The following MTMR3 variants were observed in gnomAD, a reference collection of about 807,000 sequenced individuals.
MTMR3 encodes myotubularin related protein 3, also known as phosphatidylinositol-3,5-bisphosphate 3-phosphatase MTMR3.
In MTMR3, 32 loss-of-function variants were observed where a neutral mutation model predicts 132.4. The observed-to-expected ratio is 0.24, with a 90% confidence interval of 0.18 to 0.32. MTMR3 has a LOEUF of 0.32. MTMR3 is among the 10% of genes least tolerant of loss of function. The probability of loss-of-function intolerance (pLI) is 1.00; values close to 1 mark genes in which losing one functional copy is unlikely to be tolerated. For missense variants in MTMR3, 1,216 were observed against 1,489.6 expected, an observed-to-expected ratio of 0.82 and a Z score of 3.02; for synonymous variants, 556 against 550.3, an observed-to-expected ratio of 1.01 and a Z score of -0.14.
At chr22:29,946,149 C>G (rs893528926) in intron 1 of MTMR3, among the ~76,000 whole-genome samples, 4 of 151,958 alleles carry the variant, frequency 2.6e-5, no homozygotes, top group African/African-American at 9.7e-5. Flanking sequence ...TTAGGCATTT[C>G]AAAGAAAGCA....
chr22:30,003,244 A>G (rs1359623264), intron 9 of MTMR3: 6 of 359,964 alleles, frequency 1.7e-5, no homozygotes, highest in Middle Eastern at 7.5e-4. Context: ...TGGACTTGCT[A>G]TTTCAATATC....
At chr22:29,899,179 C>A (rs1207811657) in intron 1 of MTMR3, among the ~76,000 whole-genome samples, 1 of 152,090 alleles carries the variant, frequency 6.6e-6, no homozygotes, top group African/African-American at 2.4e-5. Context: ...ATGGAGATGA[C>A]ACTTAGGCTA....
intron 1 of MTMR3, among the ~76,000 whole-genome samples, chr22:29,949,512 A>C (rs1179594178): frequency 1.4e-5 from 2 of 141,106 alleles, no homozygotes; most frequent in African/African-American, 2.7e-5. Context: ...CCCCCCCCAA[A>C]AAAAAAAAAC....
At chr22:30,019,286 A>C in intron 16 of MTMR3, 194 bp from the exon 17 acceptor site, 1 of 588,890 alleles carries the variant, frequency 1.7e-6, no homozygotes, top group Non-Finnish European at 3.0e-6. Context: ...TTGAAAGGAA[A>C]TCTGCACACT....
At chr22:29,906,734 C>T (rs953521113) in intron 1 of MTMR3, among the ~76,000 whole-genome samples, 1 of 152,130 alleles carries the variant, frequency 6.6e-6, no homozygotes, top group African/African-American at 2.4e-5. Flanking sequence ...ACTTGAGTTG[C>T]CCTATATCTA....
chr22:30,023,843 G>A (rs1249472497), intron 19 of MTMR3: 1 of 263,090 alleles, frequency 3.8e-6, no homozygotes, highest in Non-Finnish European at 7.3e-6. Flanking sequence ...GTAATTTCCA[G>A]GTCAAACAGC....
intron 12 of MTMR3, chr22:30,010,506 C>G (rs558856137): frequency 2.6e-5 from 4 of 152,262 alleles, no homozygotes; most frequent in East Asian, 3.9e-4. Flanking sequence ...TAATTAGGCC[C>G]CCGGCCTGTG....
chr22:30,025,765 T>G lies in MTMR3; in HGVS notation c.3561T>G (p.Leu1187=), dbSNP rs773793911. Residue 1187 remains leucine (L), a synonymous_variant, in exon 20 of 20, where the codon CTT becomes CTG. Transcript: ENST00000401950. ...SLHPTSSSID[L]ELDKPIAATS... ...ATCCCACAAGCTCCAGCATTGACCT[T>G]GAACTGGATAAGCCCATTGCTGCCA... 1.2e-6 allele frequency: 2 copies of G among 1,614,190 alleles called. No homozygotes were observed. Among genetic ancestry groups the G allele is most frequent in the South Asian group, 2.2e-5 (2 of 91,088 alleles).
intron 1 of MTMR3, among the ~76,000 whole-genome samples, chr22:29,905,819 A>G (rs2065082857): frequency 6.6e-6 from 1 of 152,168 alleles, no homozygotes; most frequent in Non-Finnish European, 1.5e-5. Flanking sequence ...GTTTTGGTGC[A>G]TATTTTAAAT....
At position 30,020,205 on chromosome 22, in the gene MTMR3, T is replaced by C. The variant is rs2067710284; in HGVS notation, c.2546T>C (p.Leu849Ser). The C allele has an allele frequency of 1.7e-5, 27 of 1,614,202 alleles. No individual in the cohort carries two copies. Among genetic ancestry groups the C allele is most frequent in the Non-Finnish European group, 2.3e-5 (27 of 1,180,052 alleles). Residue 849 changes from leucine to serine, a missense_variant, in exon 17 of 20, where the codon TTA becomes TCA. Leu to Ser is a moderately radical substitution (Grantham distance 145). This residue lies in a region of MTMR3 where 852 missense variants were observed against 852.0 expected (regional missense o/e 1.00). Coordinates refer to ENST00000401950, the MANE Select transcript of MTMR3 (RefSeq NM_021090.4). ...GPNVDSSTDM[L>S]VEDKVKSVSG... is the part of the protein sequence containing the mutation. ...AACGTGGACAGTTCTACAGACATGT[T>C]AGTGGAAGATAAGGTGAAGTCAGTA...
At chr22:29,928,728 T>C (rs2145785232) in intron 1 of MTMR3, among the ~76,000 whole-genome samples, 1 of 152,222 alleles carries the variant, frequency 6.6e-6, no homozygotes, top group Admixed American at 6.5e-5. Flanking sequence ...TTGCCTAGGC[T>C]GATCCTGAAC....
intron 19 of MTMR3, chr22:30,023,407 A>T: frequency 6.2e-7 from 1 of 1,603,466 alleles, no homozygotes; most frequent in Non-Finnish European, 8.5e-7. Context: ...CCCCAAGCCC[A>T]GATATCTTTG....
rs756880491 is a variant in MTMR3 at position 30,022,078 on chromosome 22, G to C, written c.3275G>C (p.Arg1092Pro). ...AATCTGGATCAGAACTGTTTGTCTC[G>C]CTGCAGCACAGAGATTTTCTCTGAA... ...ESNLDQNCLS[R>P]CSTEIFSEAS... Residue 1092 changes from arginine (R) to proline (P), a missense_variant, in exon 18 of 20, where the codon CGC becomes CCC. Transcript: ENST00000401950. 4.3e-6 allele frequency: 7 copies of C among 1,614,038 alleles called. No individual in the cohort carries two copies. In the African/African-American group the frequency reaches 5.3e-5, roughly 12 times the overall value.
Position 30,025,748 on chromosome 22 carries a change from A to C in MTMR3, c.3544A>C (p.Ser1182Arg), listed in dbSNP as rs1437902879. The C allele has an allele frequency of 6.2e-7, 1 of 1,614,052 alleles. No homozygotes were observed. The highest frequency in any genetic ancestry group is 1.3e-5 in the African/African-American group (1 of 74,914). The change falls in exon 20 of 20, where the codon AGC becomes CGC. Residue 1182 changes from serine to arginine, a missense_variant. This residue lies in a region of MTMR3 where 852 missense variants were observed against 852.0 expected (regional missense o/e 1.00). Coordinates refer to ENST00000401950, the MANE Select transcript of MTMR3 (RefSeq NM_021090.4). ...TTGCTATAGCAGCCTACATCCCACAAGCTCCAGCATTGACCTTGAACTGGA... is the reference window on the plus strand; with the variant it reads ...TTGCTATAGCAGCCTACATCCCACACGCTCCAGCATTGACCTTGAACTGGA... ...KSCYSSLHPT[S>R]SSIDLELDKP...
intron 9 of MTMR3, chr22:30,005,913 A>G (rs935868339): frequency 6.6e-6 from 1 of 152,180 alleles, no homozygotes. Context: ...AGTAACCCCA[A>G]CTTAGAATTA....
rs1295984806 is a variant in MTMR3, at chr22:30,020,022, C to T, written c.2363C>T (p.Ser788Phe). ...SLQVPPRGED[S>F]LEVPVEQFRI... ...CAGGTCCCCCCCAGGGGAGAGGATTCCCTGGAGGTCCCTGTGGAGCAGTTT... is the reference window on the plus strand; with the variant it reads ...CAGGTCCCCCCCAGGGGAGAGGATTTCCTGGAGGTCCCTGTGGAGCAGTTT... The change falls in exon 17 of 20, where the codon TCC (serine) becomes TTC (phenylalanine). Residue 788 changes from serine to phenylalanine, a missense_variant. Ser to Phe is a radical substitution (Grantham distance 155). Coordinates refer to ENST00000401950, the MANE Select transcript of MTMR3 (RefSeq NM_021090.4). 3 of 1,614,006 alleles carry T rather than the reference C, an allele frequency of 1.9e-6. No homozygotes were observed. The African/African-American group carries it at 4.0e-5, about 22-fold the overall frequency.
chr22:29,979,563 T>C (rs540824202), intron 5 of MTMR3: 2 of 191,616 alleles, frequency 1.0e-5, no homozygotes, highest in East Asian at 3.3e-4. Context: ...TTTAAAATGA[T>C]GTGTGTAGTT....
intron 5 of MTMR3, chr22:29,987,252 C>A (rs530533493): frequency 6.6e-6 from 1 of 152,362 alleles, no homozygotes; most frequent in African/African-American, 2.4e-5. Flanking sequence ...TTGATCCCTG[C>A]ATCCTCATTC....
intron 5 of MTMR3, chr22:29,981,308 C>T (rs1475214021): frequency 6.6e-6 from 1 of 152,106 alleles, no homozygotes; most frequent in Non-Finnish European, 1.5e-5. Context: ...GTTTAAAGCT[C>T]ATTTTAAAAC....
Sources: gnomAD v4.1 joint callset for allele counts (sites outside exome capture counted in the v4.1 genomes callset) on GRCh38, gnomAD v4.1.1 for gene constraint, gnomAD v4.1.1 regional missense constraint, MANE v1.5 for transcripts, NCBI Gene and HGNC (gene_info 2026-07-23, HGNC 2026-07-21) for gene names.